The following CLYBL variants were observed in gnomAD, a reference collection of about 807,000 sequenced individuals.
CLYBL encodes citramalyl-CoA lyase.
In CLYBL, 31 loss-of-function variants were observed where a neutral mutation model predicts 38.9. That is an observed-to-expected ratio of 0.80 (90% CI 0.60 to 1.08). The LOEUF (loss-of-function observed/expected upper bound fraction) is 1.08. CLYBL is among the 50% of genes least tolerant of loss of function. The pLI, the probability that CLYBL is intolerant of heterozygous loss-of-function variation, is 0.00. For synonymous variants in CLYBL, 171 were observed against 158.6 expected (o/e 1.08, Z -0.59); for missense variants, 434 against 411.6 (o/e 1.05, Z -0.47).
rs530100954 is a variant in CLYBL, at chr13:99,871,386, A to T, written c.927+324A>T. Reference sequence around the variant, plus strand: ...AGCATTCATATGAAAATAATCCTAGATCAAAGTGAGAACAAGTTGTAATGA... The same window carrying T: ...AGCATTCATATGAAAATAATCCTAGTTCAAAGTGAGAACAAGTTGTAATGA... On this transcript the variant is annotated intron_variant, in intron 7 of 8. Coordinates refer to ENST00000339105, the MANE Select transcript of CLYBL (RefSeq NM_206808.5). Among the ~76,000 whole-genome samples, 5 of 152,330 alleles carry T rather than the reference A, an allele frequency of 3.3e-5. 1 individual carries two copies. The South Asian group carries it at 1.0e-3, about 32-fold the overall frequency.
chr13:99,731,800 C>A (rs950520733), intron 1 of CLYBL, among the ~76,000 whole-genome samples: 18 of 152,276 alleles, frequency 1.2e-4, no homozygotes, highest in African/African-American at 3.6e-4. Context: ...ATTTTAACCT[C>A]TTTGTTTCTA....
chr13:99,860,014 C>A (rs139054361), intron 3 of CLYBL, among the ~76,000 whole-genome samples: 1 of 152,082 alleles, frequency 6.6e-6, no homozygotes, highest in Non-Finnish European at 1.5e-5. Context: ...GTAACACCTA[C>A]GAAACTGCTC....
chr13:99,779,300 G>A (rs1376671994), intron 2 of CLYBL, among the ~76,000 whole-genome samples: 1 of 151,918 alleles, frequency 6.6e-6, no homozygotes, highest in East Asian at 1.9e-4. Flanking sequence ...CTGCCACCAC[G>A]CCCAGTTAAT....
At chr13:99,644,161 TGTG>T (rs757577089) in intron 1 of CLYBL, among the ~76,000 whole-genome samples, 3 of 142,760 alleles carry the variant, frequency 2.1e-5, no homozygotes, top group Admixed American at 1.4e-4. Context: ...TGTATGTATA[TGTG>T]GTGTATGTAT....
intron 1 of CLYBL, among the ~76,000 whole-genome samples, chr13:99,741,381 G>A (rs2048752094): frequency 6.6e-6 from 1 of 152,212 alleles, no homozygotes; most frequent in Non-Finnish European, 1.5e-5. Context: ...CAGGCCACTA[G>A]AAGGAGAGAG....
intron 1 of CLYBL, among the ~76,000 whole-genome samples, chr13:99,655,925 G>A (rs1037359157): frequency 2.6e-5 from 4 of 152,116 alleles, no homozygotes; most frequent in African/African-American, 9.7e-5. Context: ...ATGTGTAGGC[G>A]GCAGGGCGCA....
At chr13:99,880,895 A>G (rs1159190131) in intron 7 of CLYBL, among the ~76,000 whole-genome samples, 1 of 152,190 alleles carries the variant, frequency 6.6e-6, no homozygotes, top group East Asian at 1.9e-4. Flanking sequence ...TGGAAAATGA[A>G]TCCACTAACT....
intron 2 of CLYBL, among the ~76,000 whole-genome samples, chr13:99,844,773 G>T (rs1043506090): frequency 1.3e-5 from 2 of 152,104 alleles, no homozygotes; most frequent in African/African-American, 2.4e-5. Context: ...CACAAAGCTC[G>T]GCTTTTTCCC....
intron 1 of CLYBL, among the ~76,000 whole-genome samples, chr13:99,659,287 A>C (rs1373592168): frequency 6.6e-6 from 1 of 152,116 alleles, no homozygotes; most frequent in Non-Finnish European, 1.5e-5. Context: ...GTGCAATTTA[A>C]AAAACTGTAG....
At chr13:99,889,236 G>A (rs1004486449) in intron 7 of CLYBL, among the ~76,000 whole-genome samples, 3 of 152,094 alleles carry the variant, frequency 2.0e-5, no homozygotes, top group Non-Finnish European at 2.9e-5. Context: ...TGCTAATTTC[G>A]TCTCCCCAGC....
intron 1 of CLYBL, among the ~76,000 whole-genome samples, chr13:99,631,928 G>GT (rs1441942267): frequency 6.6e-6 from 1 of 152,104 alleles, no homozygotes; most frequent in Admixed American, 6.6e-5. Flanking sequence ...AAAAACTATT[G>GT]TAAGTCACCA....
intron 1 of CLYBL, among the ~76,000 whole-genome samples, chr13:99,639,126 A>G (rs2047060805): frequency 6.6e-6 from 1 of 152,224 alleles, no homozygotes; most frequent in African/African-American, 2.4e-5. Flanking sequence ...GAAAACCGGC[A>G]ATCTGTGAAT....
At chr13:99,680,901 G>A (rs912250963) in intron 1 of CLYBL, among the ~76,000 whole-genome samples, 10 of 150,774 alleles carry the variant, frequency 6.6e-5, no homozygotes, top group Admixed American at 1.3e-4. Flanking sequence ...GATAAGCGCC[G>A]CATTTTTCAT....
At chr13:99,833,030 A>ATATATATATAT (rs1555314878) in intron 2 of CLYBL, among the ~76,000 whole-genome samples, 4 of 35,874 alleles carry the variant, frequency 1.1e-4, no homozygotes, top group Non-Finnish European at 1.8e-4. Context: ...ATATATATAT[A>ATATATATATAT]TTTTTTTTTT....
At chr13:99,829,628 A>G (rs2050765600) in intron 2 of CLYBL, among the ~76,000 whole-genome samples, 1 of 152,178 alleles carries the variant, frequency 6.6e-6, no homozygotes, top group Non-Finnish European at 1.5e-5. Flanking sequence ...TTCTAGACCA[A>G]TAGGTGCTTT....
intron 2 of CLYBL, among the ~76,000 whole-genome samples, chr13:99,840,470 C>A (rs984598094): frequency 6.6e-6 from 1 of 151,604 alleles, no homozygotes; most frequent in Non-Finnish European, 1.5e-5. Flanking sequence ...TTAACAAAAA[C>A]CAAAAGGCCA....
intron 1 of CLYBL, among the ~76,000 whole-genome samples, chr13:99,654,860 C>A (rs1436541651): frequency 2.0e-5 from 3 of 151,962 alleles, no homozygotes; most frequent in Non-Finnish European, 4.4e-5. Flanking sequence ...AAAAAATTAG[C>A]TGGGCATGGT....
chr13:99,891,561 T>G, intron 8 of CLYBL, 124 bp downstream of exon 8: 1 of 573,954 alleles, frequency 1.7e-6, no homozygotes, highest in Middle Eastern at 3.6e-4. Context: ...TTTGTTGTTG[T>G]TGTCTCACTG....
intron 1 of CLYBL, among the ~76,000 whole-genome samples, chr13:99,721,530 A>G (rs1263859803): frequency 6.6e-6 from 1 of 151,744 alleles, no homozygotes; most frequent in Non-Finnish European, 1.5e-5. Flanking sequence ...CACAACGTGC[A>G]GGTTTGTAAC....
Sources: gnomAD v4.1 joint callset for allele counts (sites outside exome capture counted in the v4.1 genomes callset) on GRCh38, gnomAD v4.1.1 for gene constraint, MANE v1.5 for transcripts, NCBI Gene and HGNC (gene_info 2026-07-23, HGNC 2026-07-21) for gene names.